POU2AF3: variants seen among roughly 807,000 people sequenced by gnomAD.
POU2AF3 encodes POU class 2 homeobox associating factor 3.
chr11:111,298,825 G>GGGGGGC, the POU2AF3 span: 1 of 852,674 alleles, frequency 1.2e-6, no homozygotes, highest in Non-Finnish European at 1.5e-6. Flanking sequence ...GCGTACCCCA[G>GGGGGGC]GCCCCCGCCC....
the POU2AF3 span, chr11:111,298,823 C>CCGGGGGGG: frequency 1.1e-6 from 1 of 886,804 alleles, no homozygotes; most frequent in Non-Finnish European, 1.5e-6. Context: ...CCGCGTACCC[C>CCGGGGGGG]AGGCCCCCGC....
At chr11:111,299,040 ACGGGGTGGTGGGGCTG>A in the POU2AF3 span, 1 of 989,954 alleles carries the variant, frequency 1.0e-6, no homozygotes, top group Non-Finnish European at 1.2e-6. Flanking sequence ...CGATCGGGGA[ACGGGGTGGTGGGGCTG>A]CGGTAGGCTG....
the POU2AF3 span, chr11:111,298,878 C>A: frequency 1.8e-6 from 2 of 1,125,876 alleles, no homozygotes; most frequent in Non-Finnish European, 2.2e-6. Context: ...ACACGCGGTG[C>A]GGACCCTGCG....
the POU2AF3 span, among the ~76,000 whole-genome samples, chr11:111,304,159 A>T: frequency 3.5e-3 from 540 of 152,266 alleles, 9 homozygotes; most frequent in African/African-American, 0.012. Context: ...TTAATATTTC[A>T]TGTATACTAA....
chr11:111,308,687 G>A, the POU2AF3 span: 37 of 326,300 alleles, frequency 1.1e-4, no homozygotes, highest in African/African-American at 6.0e-4. Context: ...TTTGTATAAC[G>A]AACAAATGCT....
At chr11:111,298,839 C>CCCCCCCCCAAA in the POU2AF3 span, 1 of 1,153,866 alleles carries the variant, frequency 8.7e-7, no homozygotes, top group Admixed American at 4.4e-5. Flanking sequence ...CCCGCCCGCC[C>CCCCCCCCCAAA]TCCCACGTAT....
At chr11:111,308,175 C>T in the POU2AF3 span, 1 of 1,551,848 alleles carries the variant, frequency 6.4e-7, no homozygotes, top group Non-Finnish European at 8.7e-7. Flanking sequence ...AATTCCCCTG[C>T]TTCTCTGGAC....
At chr11:111,300,674 G>T in the POU2AF3 span, 1 of 960,192 alleles carries the variant, frequency 1.0e-6, no homozygotes, top group Non-Finnish European at 1.3e-6. Context: ...CTCTTTCAAA[G>T]CTGTGTCTGC....
chr11:111,307,960 GT>G, the POU2AF3 span: 2 of 1,107,364 alleles, frequency 1.8e-6, no homozygotes, highest in East Asian at 2.8e-5. Context: ...GTTTGATTTG[GT>G]TTTTTACCCC....
the POU2AF3 span, chr11:111,299,358 C>G: frequency 1.0e-6 from 1 of 991,912 alleles, no homozygotes; most frequent in Non-Finnish European, 1.2e-6. Flanking sequence ...TGGTCAGGGC[C>G]GGAGCCGCCC....
At chr11:111,301,684 C>T in the POU2AF3 span, among the ~76,000 whole-genome samples, 2 of 152,264 alleles carry the variant, frequency 1.3e-5, no homozygotes, top group Non-Finnish European at 2.9e-5. Flanking sequence ...TTCCTCTTGC[C>T]TCTGTTTATT....
chr11:111,299,457 C>A, the POU2AF3 span: 2 of 1,067,800 alleles, frequency 1.9e-6, no homozygotes, highest in Admixed American at 1.1e-4. Context: ...TGCGGCTTTT[C>A]GGGGCCCGGG....
the POU2AF3 span, chr11:111,298,826 G>GGGGGCCCCC: frequency 1.3e-6 from 1 of 790,962 alleles, no homozygotes; most frequent in Non-Finnish European, 1.7e-6. Flanking sequence ...CGTACCCCAG[G>GGGGGCCCCC]CCCCCGCCCG....
chr11:111,308,229 A>G, the POU2AF3 span: 40 of 1,551,574 alleles, frequency 2.6e-5, no homozygotes, highest in South Asian at 4.2e-4. Context: ...TCCTACCAAC[A>G]CTTGTCCTCA....
chr11:111,298,826 G>GGGGGGGGGGCCC, the POU2AF3 span: 28 of 790,954 alleles, frequency 3.5e-5, no homozygotes, highest in Non-Finnish European at 4.6e-5. Context: ...CGTACCCCAG[G>GGGGGGGGGGCCC]CCCCCGCCCG....
At chr11:111,304,687 CCTGT>C in the POU2AF3 span, 1 of 355,614 alleles carries the variant, frequency 2.8e-6, no homozygotes, top group South Asian at 1.5e-4. Flanking sequence ...ATTCTATGCA[CCTGT>C]CTTTCAAATT....
the POU2AF3 span, chr11:111,298,824 A>AGGGGGGGGGGGG: frequency 1.8e-5 from 16 of 903,136 alleles, no homozygotes; most frequent in Non-Finnish European, 2.3e-5. Flanking sequence ...CGCGTACCCC[A>AGGGGGGGGGGGG]GGCCCCCGCC....
At chr11:111,300,417 C>G in the POU2AF3 span, 1 of 397,780 alleles carries the variant, frequency 2.5e-6, no homozygotes, top group Non-Finnish European at 4.3e-6. Context: ...GTGTGTTCTC[C>G]GAACTTAGAA....
At chr11:111,300,207 C>T in the POU2AF3 span, 9 of 325,004 alleles carry the variant, frequency 2.8e-5, no homozygotes, top group Admixed American at 4.9e-5. Flanking sequence ...GAGTGGTGGG[C>T]TCCGCTGCAC....
Sources: allele counts gnomAD v4.1 joint callset (sites outside exome capture counted in the v4.1 genomes callset), GRCh38; gene constraint gnomAD v4.1.1; transcripts MANE v1.5; gene names NCBI Gene and HGNC (gene_info 2026-07-23, HGNC 2026-07-21).